The following TLE3 variants were observed in gnomAD, a reference collection of about 807,000 sequenced individuals.
TLE3 encodes transducin-like enhancer protein 3.
TLE3 carries 14 observed loss-of-function variants against 93.0 expected under a neutral mutation model. The observed-to-expected ratio is 0.15, with a 90% CI of 0.10 to 0.24. The LOEUF is 0.24. TLE3 is among the 10% of genes least tolerant of loss of function. TLE3 has a pLI of 1.00. For missense variants in TLE3, 693 were observed against 1,046.6 expected (o/e 0.66, Z 4.66); for synonymous variants, 451 against 425.0 (o/e 1.06, Z -0.75).
chr15:70,075,732 G>A (rs2057409309), intron 5 of TLE3, among the ~76,000 whole-genome samples: 1 of 152,238 alleles, frequency 6.6e-6, no homozygotes, highest in African/African-American at 2.4e-5. Flanking sequence ...CATGCTCCCA[G>A]CAAGGGCACT....
chr15:70,074,209 C>T (rs1359760334), intron 6 of TLE3, among the ~76,000 whole-genome samples: 1 of 152,224 alleles, frequency 6.6e-6, no homozygotes, highest in African/African-American at 2.4e-5. Flanking sequence ...GGCCAGCTGG[C>T]CTGGCCTTGA....
At chr15:70,069,791 TG>T (rs2057035726) in intron 6 of TLE3, among the ~76,000 whole-genome samples, 1 of 152,224 alleles carries the variant, frequency 6.6e-6, no homozygotes, top group Non-Finnish European at 1.5e-5. Flanking sequence ...CCCTGACAGG[TG>T]TGGGGGCCAG....
chr15:70,084,871 A>G lies in TLE3; in HGVS notation c.235-8713T>C, dbSNP rs74887363. Among the ~76,000 whole-genome samples the G allele has an allele frequency of 3.6e-3, 553 of 152,340 alleles. 4 individuals carry two copies. Among genetic ancestry groups the G allele is most frequent in the African/African-American group, 0.013 (538 of 41,582 alleles). ...TTGGGGACTCTGTCCCCTTGTGAGAATACCTTGCTTCGGCCTTTCCATGTG... is the reference window on the plus strand; with the variant it reads ...TTGGGGACTCTGTCCCCTTGTGAGAGTACCTTGCTTCGGCCTTTCCATGTG... On this transcript the variant is annotated intron_variant, in intron 4 of 19. Transcript: ENST00000451782.
At chr15:70,094,936 C>T (rs1240127667) in intron 3 of TLE3, among the ~76,000 whole-genome samples, 1 of 152,216 alleles carries the variant, frequency 6.6e-6, no homozygotes, top group African/African-American at 2.4e-5. Context: ...TGTCGAAGGC[C>T]TCTTATGTGG....
At position 70,058,481 on chromosome 15, in the gene TLE3, G is replaced by T; in HGVS notation, c.918+182C>A. On this transcript the variant is annotated intron_variant, in intron 11 of 19. Transcript: ENST00000451782. The surrounding 1 kb of genome is among the most constrained non-coding windows in gnomAD (Gnocchi z 4.1). Reference sequence around the variant, plus strand: ...GGGTGATCACTCCCATTTTACAGACGTAGCAACCGAGGCTCAGAAACGTTA... The same window carrying T: ...GGGTGATCACTCCCATTTTACAGACTTAGCAACCGAGGCTCAGAAACGTTA... The T allele has an allele frequency of 7.8e-7, 1 of 1,281,954 alleles. No individual in the cohort carries two copies. The highest frequency in any genetic ancestry group is 1.1e-6 in the Non-Finnish European group (1 of 943,102). The allele number at this position is 1,281,954 out of a possible 1,614,324, so 79.4% of individuals were successfully genotyped here.
intron 4 of TLE3, among the ~76,000 whole-genome samples, chr15:70,081,097 G>C (rs953035606): frequency 1.3e-5 from 2 of 152,162 alleles, no homozygotes; most frequent in Non-Finnish European, 2.9e-5. Flanking sequence ...CCAACGCCAC[G>C]CAGAGATGAG....
intron 4 of TLE3, among the ~76,000 whole-genome samples, chr15:70,078,353 T>C (rs1304155149): frequency 2.6e-5 from 4 of 152,136 alleles, no homozygotes; most frequent in African/African-American, 4.8e-5. Flanking sequence ...TTTGAGTTCA[T>C]GCACCAAATA....
At chr15:70,088,656 G>A (rs1257524352) in intron 4 of TLE3, among the ~76,000 whole-genome samples, 1 of 151,994 alleles carries the variant, frequency 6.6e-6, no homozygotes, top group Non-Finnish European at 1.5e-5. Flanking sequence ...ACTGTCAATG[G>A]CATGTTGAAA....
intron 4 of TLE3, among the ~76,000 whole-genome samples, chr15:70,083,305 C>T (rs1442797836): frequency 2.0e-5 from 3 of 152,118 alleles, no homozygotes; most frequent in African/African-American, 4.8e-5. Context: ...TTCCATCTAC[C>T]GGGCTTCCTG....
intron 14 of TLE3, 72 bp from the exon 15 acceptor site, chr15:70,055,370 GTCA>G: frequency 6.6e-7 from 1 of 1,518,538 alleles, no homozygotes; most frequent in South Asian, 1.3e-5. Context: ...CCTGGCCCAG[GTCA>G]TCTGCACTGC....
In TLE3 at chr15:70,058,751, C is replaced by T. The variant is rs781695256; in HGVS notation, c.830G>A (p.Arg277His). 2.9e-5 allele frequency: 47 copies of T among 1,610,476 alleles called. No homozygotes were observed. The highest frequency in any genetic ancestry group is 1.4e-4 in the South Asian group (13 of 90,310). Residue 277 changes from arginine (R) to histidine (H), a missense_variant, in exon 11 of 20, where the codon CGT becomes CAT. Arg to His is a conservative substitution (Grantham distance 29). Around this residue, in one of 4 missense-constraint regions of TLE3, gnomAD observed 405 missense variants for 468.9 expected, o/e 0.86. Coordinates refer to ENST00000451782, the MANE Select transcript of TLE3 (RefSeq NM_001105192.3). The surrounding 1 kb of genome is among the most constrained non-coding windows in gnomAD (Gnocchi z 4.1). Reference sequence around the variant, plus strand: ...GGTGGGGGCATCTTTTTTCAGGCTACGGGCCTTGTCCAGCCCATTTTCAGG... The same window carrying T: ...GGTGGGGGCATCTTTTTTCAGGCTATGGGCCTTGTCCAGCCCATTTTCAGG... ...SPPENGLDKA[R>H]SLKKDAPTSP...
intron 15 of TLE3, 153 bp downstream of exon 15, chr15:70,054,896 G>A: frequency 7.8e-7 from 1 of 1,275,236 alleles, no homozygotes; most frequent in Non-Finnish European, 1.1e-6. Flanking sequence ...ACACACAGAA[G>A]GCACAACTGA....
Position 70,065,519 on chromosome 15 carries a change from T to C in TLE3, c.577+495A>G, listed in dbSNP as rs548655423. Among the ~76,000 whole-genome samples, 5 of 152,264 alleles carry C rather than the reference T, an allele frequency of 3.3e-5. No individual in the cohort carries two copies. In the South Asian group the frequency reaches 6.2e-4, roughly 19 times the overall value. On this transcript the variant is annotated intron_variant, in intron 7 of 19. Transcript: ENST00000451782. ...CCCAGGTTTCTGCATTGGTGAGACA[T>C]AGATGTAAGGAAAACACCCAAGAAC...
intron 7 of TLE3, 21 bp downstream of exon 7, chr15:70,065,976 CCTGCCCCGCCCCACCCT>C (rs766769169): frequency 3.1e-6 from 4 of 1,292,558 alleles, no homozygotes; most frequent in South Asian, 1.2e-5. Flanking sequence ...CATGCCCACC[CCTGCCCCGCCCCACCCT>C]CTGCCCCAGC....
intron 4 of TLE3, among the ~76,000 whole-genome samples, chr15:70,088,532 T>C (rs2058142737): frequency 1.3e-5 from 2 of 152,212 alleles, no homozygotes; most frequent in South Asian, 4.1e-4. Context: ...AAACAAGATA[T>C]TGTCCCTTTA....
chr15:70,057,859 C>T lies in TLE3; in HGVS notation c.1052-201G>A, dbSNP rs2056184958. ...TGGCAGATGCACCCACCTCTTTTTA[C>T]AGAGCAGGATATGGAGGCCCAAATG... On this transcript the variant is annotated intron_variant, in intron 12 of 19. Transcript: ENST00000451782. 13 of 742,396 alleles carry T rather than the reference C, an allele frequency of 1.8e-5. No homozygotes were observed. In the South Asian group the frequency reaches 2.4e-4, roughly 14 times the overall value. The allele number at this position is 742,396 out of a possible 1,614,324, so 46.0% of individuals were successfully genotyped here.
intron 9 of TLE3, 83 bp from the exon 10 acceptor site, chr15:70,059,543 C>T: frequency 7.1e-7 from 1 of 1,406,876 alleles, no homozygotes; most frequent in Non-Finnish European, 9.8e-7. Flanking sequence ...CCCTGTCCTT[C>T]TACTGGCCAG....
chr15:70,060,799 G>A, intron 8 of TLE3, 150 bp from the exon 9 acceptor site: 1 of 1,398,048 alleles, frequency 7.2e-7, no homozygotes, highest in Admixed American at 2.0e-5. Context: ...GGCTCCATCA[G>A]AGCCTTGCCA....
intron 2 of TLE3, 101 bp from the exon 3 acceptor site, chr15:70,095,742 A>T (rs1012755594): frequency 3.6e-5 from 49 of 1,377,238 alleles, no homozygotes; most frequent in Non-Finnish European, 4.6e-5. Flanking sequence ...CTTTCCTGAC[A>T]CCCCCCCGGG....
Sources: allele counts gnomAD v4.1 joint callset (sites outside exome capture counted in the v4.1 genomes callset), GRCh38; gene constraint gnomAD v4.1.1; regional missense constraint gnomAD v4.1.1; non-coding constraint Gnocchi (gnomAD v3.1); transcripts MANE v1.5; gene names NCBI Gene and HGNC (gene_info 2026-07-23, HGNC 2026-07-21).